Variants in GPC5 observed in about 807,000 individuals in gnomAD.
The protein encoded by GPC5 is glypican-5.
GPC5 carries 47 observed loss-of-function variants against 53.9 expected under a neutral mutation model. The ratio of observed to expected loss-of-function variants is 0.87; its 90% confidence interval spans 0.69 to 1.11. The LOEUF (loss-of-function observed/expected upper bound fraction) is 1.11, where lower values mean the gene tolerates loss of function less well. Among genes scored for constraint, GPC5 ranks in the 50% most tolerant of loss-of-function variants. The pLI is 0.00. For missense variants in GPC5, 748 were observed against 713.1 expected (o/e 1.05, Z -0.56); for synonymous variants, 286 against 263.3 (o/e 1.09, Z -0.84).
chr13:91,576,641 C>T (rs977844631), intron 2 of GPC5, among the ~76,000 whole-genome samples: 14 of 152,078 alleles, frequency 9.2e-5, no homozygotes, highest in East Asian at 3.9e-4. Context: ...CCACGCTGCC[C>T]CTCCTGATGC....
intron 7 of GPC5, among the ~76,000 whole-genome samples, chr13:92,287,698 G>A (rs575867835): frequency 6.6e-6 from 1 of 152,084 alleles, no homozygotes; most frequent in East Asian, 1.9e-4. Flanking sequence ...TGCTTTCTAG[G>A]TTTTCTTTTT....
chr13:92,032,534 C>T (rs534603228), intron 6 of GPC5, among the ~76,000 whole-genome samples: 59 of 152,124 alleles, frequency 3.9e-4, no homozygotes, highest in African/African-American at 1.4e-3. Flanking sequence ...TATTTTTCAA[C>T]CAAGTGAGTG....
At chr13:91,855,264 C>T (rs1335809978) in intron 5 of GPC5, among the ~76,000 whole-genome samples, 1 of 151,624 alleles carries the variant, frequency 6.6e-6, no homozygotes, top group Admixed American at 6.6e-5. Flanking sequence ...AAAGAACAGG[C>T]ACAGCTTCAA....
chr13:91,514,098 A>G (rs185662420), intron 2 of GPC5, among the ~76,000 whole-genome samples: 2 of 152,354 alleles, frequency 1.3e-5, no homozygotes, highest in East Asian at 1.9e-4. Flanking sequence ...CAGTAAAGCT[A>G]TTGTGAACAT....
chr13:92,282,490 C>T (rs1277928577), intron 7 of GPC5, among the ~76,000 whole-genome samples: 1 of 152,058 alleles, frequency 6.6e-6, no homozygotes, highest in Non-Finnish European at 1.5e-5. Context: ...TTAAGGGCAG[C>T]AAGAGAGAAA....
chr13:91,483,808 G>GT (rs1422606973), intron 2 of GPC5, among the ~76,000 whole-genome samples: 2 of 152,102 alleles, frequency 1.3e-5, no homozygotes, highest in Non-Finnish European at 2.9e-5. Context: ...TGAATCCAAT[G>GT]TTTTTTCTCA....
At chr13:91,843,745 T>A (rs2038816713) in intron 5 of GPC5, among the ~76,000 whole-genome samples, 2 of 152,228 alleles carry the variant, frequency 1.3e-5, no homozygotes, top group South Asian at 4.1e-4. Flanking sequence ...TTTGGATGCA[T>A]CTGGAATGTT....
chr13:92,829,488 T>C (rs765934899), intron 7 of GPC5, among the ~76,000 whole-genome samples: 2 of 152,200 alleles, frequency 1.3e-5, no homozygotes, highest in Non-Finnish European at 2.9e-5. Flanking sequence ...AATTTATTAT[T>C]ATGAAATATT....
rs142235124 is a variant in GPC5 at position 92,838,913 on chromosome 13, C to T, written c.1562-27369C>T. 6.5e-3 allele frequency among the ~76,000 whole-genome samples: 984 copies of T among 152,268 alleles called. 17 individuals are homozygous for T. Among genetic ancestry groups the T allele is most frequent in the South Asian group, 0.015 (70 of 4,824 alleles). ...CAAGAGACCACAAGCTGCCATGAAG[C>T]TTATACTTTAAACTCAGCACAATAC... On this transcript the variant is annotated intron_variant, in intron 7 of 7. Coordinates refer to ENST00000377067, the MANE Select transcript of GPC5 (RefSeq NM_004466.6).
chr13:92,744,570 G>A (rs1889194551), intron 7 of GPC5, among the ~76,000 whole-genome samples: 2 of 151,738 alleles, frequency 1.3e-5, no homozygotes, highest in South Asian at 4.1e-4. Flanking sequence ...GCACACAGAG[G>A]TATCTAAAAA....
chr13:92,817,692 G>T (rs1594526935), intron 7 of GPC5, among the ~76,000 whole-genome samples: 1 of 151,832 alleles, frequency 6.6e-6, no homozygotes, highest in African/African-American at 2.4e-5. Flanking sequence ...TCTTCTTGGG[G>T]CTCTCTTGAA....
intron 5 of GPC5, among the ~76,000 whole-genome samples, chr13:91,839,626 G>C (rs2038761655): frequency 6.6e-6 from 1 of 152,008 alleles, no homozygotes; most frequent in South Asian, 2.1e-4. Context: ...GGTTCAAACA[G>C]TCCTTCATCC....
Position 91,912,616 on chromosome 13 carries a change from T to C in GPC5, c.1401+4559T>C, listed in dbSNP as rs115569599. 4.7e-3 allele frequency among the ~76,000 whole-genome samples: 720 copies of C among 152,278 alleles called. 9 individuals are homozygous for C. Among genetic ancestry groups the C allele is most frequent in the African/African-American group, 0.016 (673 of 41,564 alleles). ...CACCTGACCACACAAAACAAATACT[T>C]TTCCGTGGCATTAAATATTCTGCTA... On this transcript the variant is annotated intron_variant, in intron 6 of 7. Coordinates refer to ENST00000377067, the MANE Select transcript of GPC5 (RefSeq NM_004466.6).
intron 7 of GPC5, among the ~76,000 whole-genome samples, chr13:92,237,466 C>G (rs1274476875): frequency 6.6e-6 from 1 of 152,088 alleles, no homozygotes; most frequent in Non-Finnish European, 1.5e-5. Flanking sequence ...GATCTGCCTG[C>G]CTTAGCCTCC....
intron 6 of GPC5, among the ~76,000 whole-genome samples, chr13:91,971,845 T>C (rs1179534287): frequency 6.6e-6 from 1 of 152,200 alleles, no homozygotes; most frequent in Admixed American, 6.5e-5. Context: ...TTGTTATCAT[T>C]TCTGTTCTTT....
intron 1 of GPC5, among the ~76,000 whole-genome samples, chr13:91,432,710 G>A (rs1226748250): frequency 6.6e-6 from 1 of 151,818 alleles, no homozygotes; most frequent in East Asian, 1.9e-4. Context: ...ACTTTTATAG[G>A]ACAGTGCCTG....
At chr13:92,720,526 A>G (rs1888478931) in intron 7 of GPC5, among the ~76,000 whole-genome samples, 1 of 152,078 alleles carries the variant, frequency 6.6e-6, no homozygotes, top group African/African-American at 2.4e-5. Flanking sequence ...TCATAAATTA[A>G]AGTAATGATT....
At chr13:92,297,914 G>A (rs1210775189) in intron 7 of GPC5, among the ~76,000 whole-genome samples, 1 of 152,074 alleles carries the variant, frequency 6.6e-6, no homozygotes, top group Non-Finnish European at 1.5e-5. Flanking sequence ...CCTGAGCCCA[G>A]CGAGAACACG....
At chr13:92,704,510 C>T (rs1376992366) in intron 7 of GPC5, among the ~76,000 whole-genome samples, 2 of 151,970 alleles carry the variant, frequency 1.3e-5, no homozygotes, top group South Asian at 2.1e-4. Context: ...TTATCAGAAG[C>T]AAAATCCTTT....
Sources: allele counts gnomAD v4.1 joint callset (sites outside exome capture counted in the v4.1 genomes callset), GRCh38; gene constraint gnomAD v4.1.1; transcripts MANE v1.5; gene names NCBI Gene and HGNC (gene_info 2026-07-23, HGNC 2026-07-21).